AMBRA1: variants seen among roughly 807,000 people sequenced by gnomAD.
AMBRA1 encodes the protein autophagy and beclin 1 regulator 1, also known as activating molecule in BECN1-regulated autophagy protein 1.
Under a neutral mutation model 125.4 loss-of-function variants are expected in AMBRA1, and 47 were observed. That is an observed-to-expected ratio of 0.37 (90% confidence interval 0.30 to 0.48). The LOEUF is 0.48. Ranked by LOEUF, AMBRA1 falls within the 20% of genes least tolerant of loss-of-function variation. The pLI is 0.99. For missense variants in AMBRA1, 1,331 were observed against 1,693.4 expected (o/e 0.79, Z 3.76); for synonymous variants, 626 against 655.5 (o/e 0.95, Z 0.69).
intron 1 of AMBRA1, among the ~76,000 whole-genome samples, chr11:46,551,438 G>A (rs977146277): frequency 6.6e-6 from 1 of 152,140 alleles, no homozygotes; most frequent in African/African-American, 2.4e-5. Context: ...TCAGCCTCCA[G>A]AGTAGCTAAC....
intron 11 of AMBRA1, among the ~76,000 whole-genome samples, chr11:46,479,038 A>C (rs2136912685): frequency 6.6e-6 from 1 of 152,220 alleles, no homozygotes; most frequent in African/African-American, 2.4e-5. Context: ...GTCTCTACAA[A>C]AAATACCAAA....
At chr11:46,437,884 T>C (rs149713300) in intron 12 of AMBRA1, among the ~76,000 whole-genome samples, 1 of 152,304 alleles carries the variant, frequency 6.6e-6, no homozygotes, top group Non-Finnish European at 1.5e-5. Context: ...TTAGAAGTCT[T>C]TGTGGTGCTC....
rs1398464955 is a variant in AMBRA1 at position 46,396,471 on chromosome 11, G to C, written c.*979C>G. On this transcript the variant is annotated 3_prime_UTR_variant, in exon 18 of 18. Coordinates refer to ENST00000683756, the MANE Select transcript of AMBRA1 (RefSeq NM_001387011.1). ...TTTGGTGTTTCCCTCATTAGCTGTAGACTATCCCCTCTCCTCCCACCACAA... is the reference window on the plus strand; with the variant it reads ...TTTGGTGTTTCCCTCATTAGCTGTACACTATCCCCTCTCCTCCCACCACAA... 6.6e-6 allele frequency: 1 copy of C among 152,394 alleles called. No homozygotes were observed. Among genetic ancestry groups the C allele is most frequent in the Non-Finnish European group, 1.5e-5 (1 of 68,028 alleles). The allele number at this position is 152,394 out of a possible 1,614,324, so 9.4% of individuals were successfully genotyped here. A position where few individuals can be genotyped will look rare whatever the true frequency, so the allele number is the denominator to read the frequency against.
At chr11:46,443,398 T>A in intron 12 of AMBRA1, 90 bp downstream of exon 12, 1 of 1,013,550 alleles carries the variant, frequency 9.9e-7, no homozygotes, top group Middle Eastern at 2.1e-4. Flanking sequence ...AATAGGATGA[T>A]GAAAAACCCA....
At chr11:46,581,688 T>C (rs967066504) in intron 1 of AMBRA1, among the ~76,000 whole-genome samples, 1 of 150,004 alleles carries the variant, frequency 6.7e-6, no homozygotes, top group African/African-American at 2.5e-5. Context: ...TAGTGCCAGC[T>C]ACTCAGGAGG....
chr11:46,528,559 T>C (rs764149197), intron 7 of AMBRA1, among the ~76,000 whole-genome samples: 5 of 152,098 alleles, frequency 3.3e-5, no homozygotes, highest in African/African-American at 4.8e-5. Flanking sequence ...AAGATTCCAT[T>C]AATAAGAGGT....
chr11:46,417,728 G>A (rs559292638), intron 15 of AMBRA1, among the ~76,000 whole-genome samples, 185 bp downstream of exon 15: 10 of 152,330 alleles, frequency 6.6e-5, no homozygotes, highest in African/African-American at 2.4e-4. Flanking sequence ...TGGATGAAAT[G>A]TGAAATGGGG....
At chr11:46,561,747 C>T (rs530497190) in intron 1 of AMBRA1, among the ~76,000 whole-genome samples, 1 of 152,312 alleles carries the variant, frequency 6.6e-6, no homozygotes, top group East Asian at 1.9e-4. Context: ...TTATTAAACA[C>T]AGAGTTCTTA....
chr11:46,482,640 T>C (rs1462441478), intron 11 of AMBRA1, among the ~76,000 whole-genome samples: 1 of 152,144 alleles, frequency 6.6e-6, no homozygotes, highest in African/African-American at 2.4e-5. Context: ...CCTTGTTCCT[T>C]TGTACCCTGG....
At chr11:46,593,765 GTCT>G (rs1344173180) in intron 1 of AMBRA1, 60 bp downstream of exon 1, 2 of 392,118 alleles carry the variant, frequency 5.1e-6, no homozygotes, top group African/African-American at 4.1e-5. Context: ...CGGCGCCAAG[GTCT>G]TCTCAACCCC....
chr11:46,511,354 C>T (rs752343453), intron 8 of AMBRA1, among the ~76,000 whole-genome samples: 7 of 152,162 alleles, frequency 4.6e-5, no homozygotes, highest in Non-Finnish European at 8.8e-5. Context: ...TCCTTATGTT[C>T]CCTGATCCTT....
chr11:46,409,016 T>C (rs1946155882), intron 16 of AMBRA1, among the ~76,000 whole-genome samples: 1 of 152,226 alleles, frequency 6.6e-6, no homozygotes, highest in Non-Finnish European at 1.5e-5. Context: ...TAGAGATGGC[T>C]GATCTGAAAA....
At chr11:46,435,178 T>G (rs1482157777) in intron 12 of AMBRA1, 141 bp from the exon 13 acceptor site, 2 of 762,502 alleles carry the variant, frequency 2.6e-6, no homozygotes, top group African/African-American at 3.5e-5. Flanking sequence ...TCATTCAAAC[T>G]AAAATGTCAA....
chr11:46,552,678 C>CAA (rs571647388), intron 1 of AMBRA1, among the ~76,000 whole-genome samples: 73 of 57,440 alleles, frequency 1.3e-3, no homozygotes, highest in African/African-American at 4.1e-3. Flanking sequence ...GATTCTGTCT[C>CAA]AAAAAAAAAA....
intron 14 of AMBRA1, among the ~76,000 whole-genome samples, chr11:46,423,798 T>A (rs1209826955): frequency 7.4e-6 from 1 of 134,626 alleles, no homozygotes; most frequent in East Asian, 2.3e-4. Flanking sequence ...AGTTCCGCTC[T>A]TGCTGCCCAG....
chr11:46,414,769 C>T (rs1565132253), intron 15 of AMBRA1, among the ~76,000 whole-genome samples: 2 of 152,156 alleles, frequency 1.3e-5, no homozygotes, highest in African/African-American at 4.8e-5. Context: ...GCGCTATCAG[C>T]CCCTGGGATG....
intron 14 of AMBRA1, among the ~76,000 whole-genome samples, chr11:46,430,737 T>C (rs1947419468): frequency 6.6e-6 from 1 of 152,202 alleles, no homozygotes; most frequent in African/African-American, 2.4e-5. Context: ...CACATTTGCC[T>C]CTCTGAACAT....
At chr11:46,507,662 G>A (rs1297945734) in intron 9 of AMBRA1, among the ~76,000 whole-genome samples, 2 of 152,126 alleles carry the variant, frequency 1.3e-5, no homozygotes, top group Non-Finnish European at 2.9e-5. Context: ...CCTGAATGGG[G>A]GGTAAGAGTA....
At chr11:46,590,221 A>T (rs2044547819) in intron 1 of AMBRA1, among the ~76,000 whole-genome samples, 1 of 151,966 alleles carries the variant, frequency 6.6e-6, no homozygotes, top group Non-Finnish European at 1.5e-5. Flanking sequence ...AATACAAAAA[A>T]TTAGCTGGGT....
Sources: gnomAD v4.1 joint callset for allele counts (sites outside exome capture counted in the v4.1 genomes callset) on GRCh38, gnomAD v4.1.1 for gene constraint, MANE v1.5 for transcripts, NCBI Gene and HGNC (gene_info 2026-07-23, HGNC 2026-07-21) for gene names.